The following TMCC1 variants were observed in gnomAD, a reference collection of about 807,000 sequenced individuals.
The protein encoded by TMCC1 is transmembrane and coiled-coil domain family 1.
TMCC1 carries 15 observed loss-of-function variants against 52.4 expected under a neutral mutation model. The observed-to-expected ratio is 0.29, with a 90% CI of 0.19 to 0.44. The LOEUF is 0.44. Among genes scored for constraint, TMCC1 ranks in the 20% least tolerant of loss-of-function variants. The probability of loss-of-function intolerance (pLI) is 1.00; values close to 1 mark genes in which losing one functional copy is unlikely to be tolerated. For missense variants in TMCC1, 503 were observed against 806.0 expected, an observed-to-expected ratio of 0.62 and a Z score of 4.55; for synonymous variants, 279 against 301.9, an observed-to-expected ratio of 0.92 and a Z score of 0.79.
intron 2 of TMCC1, among the ~76,000 whole-genome samples, chr3:129,862,021 T>C (rs2060420063): frequency 6.6e-6 from 1 of 152,180 alleles, no homozygotes. Context: ...GAATCTTACT[T>C]GGCAATAAAA....
intron 5 of TMCC1, among the ~76,000 whole-genome samples, chr3:129,663,992 C>G (rs1269130378): frequency 6.6e-6 from 1 of 152,190 alleles, no homozygotes; most frequent in African/African-American, 2.4e-5. Context: ...CAAGCAAATT[C>G]AAGTTTGTCC....
intron 4 of TMCC1, among the ~76,000 whole-genome samples, chr3:129,701,590 A>C (rs2047840595): frequency 6.6e-6 from 1 of 152,246 alleles, no homozygotes. Flanking sequence ...CATTGCTTAG[A>C]ACCAATTAGT....
chr3:129,734,576 T>C (rs2050795415), intron 4 of TMCC1, among the ~76,000 whole-genome samples: 1 of 151,962 alleles, frequency 6.6e-6, no homozygotes, highest in South Asian at 2.1e-4. Context: ...TCCCAGCTAC[T>C]TGAGGCTGAG....
chr3:129,668,447 A>G (rs189459984), intron 5 of TMCC1, among the ~76,000 whole-genome samples: 151 of 152,324 alleles, frequency 9.9e-4, no homozygotes, highest in African/African-American at 3.4e-3. Flanking sequence ...AAGACTTAAG[A>G]GAACTGAAGA....
At chr3:129,845,468 T>C (rs939352236) in intron 2 of TMCC1, among the ~76,000 whole-genome samples, 1 of 152,162 alleles carries the variant, frequency 6.6e-6, no homozygotes, top group Non-Finnish European at 1.5e-5. Flanking sequence ...AAAATGAAGG[T>C]GAGGAAAGGC....
intron 4 of TMCC1, 48 bp from the exon 5 acceptor site, chr3:129,671,312 T>C: frequency 6.5e-7 from 1 of 1,530,160 alleles, no homozygotes; most frequent in South Asian, 1.3e-5. Flanking sequence ...GAGGACTACG[T>C]CTTCAAAATC....
intron 4 of TMCC1, among the ~76,000 whole-genome samples, chr3:129,778,710 T>C (rs555701627): frequency 1.2e-4 from 18 of 151,346 alleles, no homozygotes; most frequent in Admixed American, 4.0e-4. Flanking sequence ...GTTCTCATGA[T>C]AGTGAGTTCT....
chr3:129,811,255 C>A (rs118058328), intron 4 of TMCC1, among the ~76,000 whole-genome samples: 7 of 15,978 alleles, frequency 4.4e-4, no homozygotes, highest in Non-Finnish European at 8.4e-4. Context: ...CATGGCCATT[C>A]ATTTTATATA....
chr3:129,823,160 T>C (rs2058498878), intron 4 of TMCC1, among the ~76,000 whole-genome samples: 1 of 152,004 alleles, frequency 6.6e-6, no homozygotes, highest in Non-Finnish European at 1.5e-5. Context: ...ACCCCATCTC[T>C]ACTAAAAATA....
chr3:129,869,003 A>G (rs773763007), intron 2 of TMCC1: 3 of 152,076 alleles, frequency 2.0e-5, no homozygotes, highest in Admixed American at 6.6e-5. Context: ...GTTTTCCTCA[A>G]TAACAGAAGC....
At chr3:129,830,293 T>C (rs764591638) in intron 3 of TMCC1, among the ~76,000 whole-genome samples, 14 of 152,334 alleles carry the variant, frequency 9.2e-5, no homozygotes, top group South Asian at 2.1e-4. Flanking sequence ...CTGGTGCTCC[T>C]TGTGGGCAAA....
intron 4 of TMCC1, among the ~76,000 whole-genome samples, chr3:129,674,106 G>C (rs550595381): frequency 6.6e-6 from 1 of 152,300 alleles, no homozygotes; most frequent in East Asian, 1.9e-4. Flanking sequence ...ATCTAGGTTT[G>C]TGTAAGCACA....
At chr3:129,662,053 C>T (rs1346914217) in intron 5 of TMCC1, among the ~76,000 whole-genome samples, 1 of 151,982 alleles carries the variant, frequency 6.6e-6, no homozygotes, top group African/African-American at 2.4e-5. Context: ...AGGGAAGATA[C>T]ATGTTTTATA....
At chr3:129,788,437 G>A (rs1455960080) in intron 4 of TMCC1, among the ~76,000 whole-genome samples, 1 of 151,866 alleles carries the variant, frequency 6.6e-6, no homozygotes, top group Non-Finnish European at 1.5e-5. Flanking sequence ...AACAATACAT[G>A]ACATTGATCT....
intron 4 of TMCC1, among the ~76,000 whole-genome samples, chr3:129,818,391 T>TAAAAGTTTCTAAGAAACTTTTAAAG (rs2058216803): frequency 4.0e-5 from 6 of 151,712 alleles, no homozygotes; most frequent in African/African-American, 9.7e-5. Flanking sequence ...AAATTTTCTT[T>TAAAAGTTTCTAAGAAACTTTTAAAG]AAAAGTTTCT....
chr3:129,758,981 T>C (rs923800898), intron 4 of TMCC1, among the ~76,000 whole-genome samples: 1 of 152,238 alleles, frequency 6.6e-6, no homozygotes, highest in Non-Finnish European at 1.5e-5. Flanking sequence ...GTATGTAGCA[T>C]GTGTCAAAAC....
At chr3:129,691,354 G>C in intron 4 of TMCC1, among the ~76,000 whole-genome samples, 1 of 152,192 alleles carries the variant, frequency 6.6e-6, no homozygotes, top group East Asian at 1.9e-4. Context: ...ATTGAGACCA[G>C]CCTGGGCAAT....
chr3:129,749,105 G>A (rs369444837), intron 4 of TMCC1, among the ~76,000 whole-genome samples: 2 of 144,618 alleles, frequency 1.4e-5, no homozygotes, highest in Admixed American at 6.9e-5. Flanking sequence ...AAAAGTTACC[G>A]CCCCCTCAAC....
At chr3:129,823,546 C>A (rs1215850156) in intron 4 of TMCC1, among the ~76,000 whole-genome samples, 1 of 152,082 alleles carries the variant, frequency 6.6e-6, no homozygotes, top group Non-Finnish European at 1.5e-5. Context: ...CAATTTTTAA[C>A]AAACACCGAC....
Sources: gnomAD v4.1 joint callset for allele counts (sites outside exome capture counted in the v4.1 genomes callset) on GRCh38, gnomAD v4.1.1 for gene constraint, MANE v1.5 for transcripts, NCBI Gene and HGNC (gene_info 2026-07-23, HGNC 2026-07-21) for gene names.